CFAP97D2: variants seen among roughly 807,000 people sequenced by gnomAD.
CFAP97D2 encodes uncharacterized protein CFAP97D2.
intron 3 of CFAP97D2, among the ~76,000 whole-genome samples, chr13:114,210,070 A>G (rs565140524): frequency 1.4e-4 from 21 of 152,240 alleles, no homozygotes; most frequent in Admixed American, 3.9e-4. Context: ...CTTTTTGTAT[A>G]TTTTCTGCAT....
rs902256562 is a variant in CFAP97D2 at position 114,211,200 on chromosome 13, C to A, written c.291-712C>A. Among the ~76,000 whole-genome samples, 1 of 152,192 alleles carries A rather than the reference C, an allele frequency of 6.6e-6. No homozygotes were observed. Among genetic ancestry groups the A allele is most frequent in the African/African-American group, 2.4e-5 (1 of 41,458 alleles). On this transcript the variant is annotated intron_variant, in intron 3 of 4. Coordinates refer to ENST00000646158, the Ensembl canonical transcript of CFAP97D2. The surrounding 1 kb of genome is among the most constrained non-coding windows in gnomAD (Gnocchi z 4.2). The stretch of plus-strand genomic sequence containing the variant: ...CAGGGTCAAACCCCTACTCTAGGCG[C>A]TTCCGCAGCCCCCCATGGCTCCCTC...
At chr13:114,204,895 C>A (rs1037108011) in intron 3 of CFAP97D2, among the ~76,000 whole-genome samples, 4 of 152,156 alleles carry the variant, frequency 2.6e-5, no homozygotes, top group African/African-American at 9.7e-5. Context: ...AAAAAACCCA[C>A]AGAATGGGAG....
intron 1 of CFAP97D2, among the ~76,000 whole-genome samples, chr13:114,188,644 G>A (rs2080858869): frequency 6.6e-6 from 1 of 151,818 alleles, no homozygotes; most frequent in African/African-American, 2.4e-5. Flanking sequence ...GGGTGTGGTG[G>A]TGGGCGCCTG....
rs2080855039 is a variant in CFAP97D2 at position 114,187,011 on chromosome 13, A to G, written c.90+7591A>G. The stretch of plus-strand genomic sequence containing the variant: ...GAAAGGCAACACCCTCAAGATTCCC[A>G]TAACAACACCAATGATAAGGAACAG... On this transcript the variant is annotated intron_variant, in intron 1 of 4. Transcript: ENST00000646158. This position sits in a 1 kb window ranked among gnomAD's most constrained non-coding sequence, Gnocchi z 4.2. Among the ~76,000 whole-genome samples the G allele has an allele frequency of 6.6e-6, 1 of 152,264 alleles. No homozygotes were observed. Among genetic ancestry groups the G allele is most frequent in the South Asian group, 2.1e-4 (1 of 4,836 alleles).
At chr13:114,215,725 A>G (rs760537808) in intron 4 of CFAP97D2, 6 of 152,194 alleles carry the variant, frequency 3.9e-5, no homozygotes, top group South Asian at 2.1e-4. Context: ...GTGCTTTCCC[A>G]TGTCCTCACC....
At chr13:114,220,652 T>C (rs2081017397) in intron 4 of CFAP97D2, among the ~76,000 whole-genome samples, 1 of 152,210 alleles carries the variant, frequency 6.6e-6, no homozygotes, top group Non-Finnish European at 1.5e-5. Context: ...TATGCATTGC[T>C]CTAATTTAGT....
chr13:114,195,014 A>C (rs1594515777), intron 1 of CFAP97D2, among the ~76,000 whole-genome samples: 1 of 152,300 alleles, frequency 6.6e-6, no homozygotes, highest in East Asian at 1.9e-4. Context: ...AACTGAAAGC[A>C]GAGGGCATTC....
intron 1 of CFAP97D2, among the ~76,000 whole-genome samples, chr13:114,191,291 A>C (rs1376238201): frequency 6.6e-6 from 1 of 152,202 alleles, no homozygotes; most frequent in South Asian, 2.1e-4. Flanking sequence ...TAAAATTAAA[A>C]GCTTCTGCTC....
At chr13:114,215,037 C>T (rs1200075880) in intron 4 of CFAP97D2, among the ~76,000 whole-genome samples, 4 of 152,146 alleles carry the variant, frequency 2.6e-5, no homozygotes, top group Admixed American at 6.5e-5. Context: ...TATGCTGTAA[C>T]TTATATTCCT....
rs752884667 is a variant in CFAP97D2, at chr13:114,185,196, G to A, written c.90+5776G>A. On this transcript the variant is annotated intron_variant, in intron 1 of 4. Transcript: ENST00000646158. The surrounding 1 kb of genome is among the most constrained non-coding windows in gnomAD (Gnocchi z 5.2). The stretch of plus-strand genomic sequence containing the variant: ...CTGCAGACTCTGGCCCCGTGTCACC[G>A]CTCTTGCCTGCTGATGCAGGGAGGG... 3.3e-5 allele frequency among the ~76,000 whole-genome samples: 5 copies of A among 152,210 alleles called. No homozygotes were observed. Among genetic ancestry groups the A allele is most frequent in the East Asian group, 3.8e-4 (2 of 5,196 alleles).
At chr13:114,191,590 C>T (rs1250579460) in intron 1 of CFAP97D2, among the ~76,000 whole-genome samples, 1 of 152,220 alleles carries the variant, frequency 6.6e-6, no homozygotes, top group Non-Finnish European at 1.5e-5. Flanking sequence ...ACACTGACAA[C>T]ACCAAATACT....
intron 1 of CFAP97D2, among the ~76,000 whole-genome samples, chr13:114,194,049 C>T (rs1422895323): frequency 6.6e-6 from 1 of 152,154 alleles, no homozygotes; most frequent in Non-Finnish European, 1.5e-5. Flanking sequence ...TACTAAGAAC[C>T]AACTCACTAT....
At chr13:114,202,167 G>A (rs879434548) in intron 3 of CFAP97D2, among the ~76,000 whole-genome samples, 7 of 152,178 alleles carry the variant, frequency 4.6e-5, no homozygotes, top group African/African-American at 7.2e-5. Flanking sequence ...TCCATCGTAC[G>A]GATCTATCAC....
intron 3 of CFAP97D2, among the ~76,000 whole-genome samples, chr13:114,206,831 G>A (rs545911390): frequency 1.3e-5 from 2 of 152,288 alleles, no homozygotes; most frequent in Non-Finnish European, 2.9e-5. Context: ...CACTGCTTTT[G>A]GGGGCTTCTA....
chr13:114,201,742 CT>C (rs770761886), intron 3 of CFAP97D2, among the ~76,000 whole-genome samples: 10 of 152,196 alleles, frequency 6.6e-5, no homozygotes, highest in Non-Finnish European at 1.2e-4. Context: ...GTCTCAGCTG[CT>C]TCTGGAGCAC....
At chr13:114,212,167 G>A in intron 4 of CFAP97D2, 1 of 398,146 alleles carries the variant, frequency 2.5e-6, no homozygotes, top group Non-Finnish European at 4.4e-6. Context: ...TACTTCATCA[G>A]ATTCATCAGA....
rs866861975 is a variant in CFAP97D2 at position 114,207,431 on chromosome 13, C to G, written c.291-4481C>G. 6.6e-6 allele frequency among the ~76,000 whole-genome samples: 1 copy of G among 152,034 alleles called. No individual in the cohort carries two copies. Among genetic ancestry groups the G allele is most frequent in the South Asian group, 2.1e-4 (1 of 4,824 alleles). On this transcript the variant is annotated intron_variant, in intron 3 of 4. Transcript: ENST00000646158. This position sits in a 1 kb window ranked among gnomAD's most constrained non-coding sequence, Gnocchi z 4.9. The stretch of plus-strand genomic sequence containing the variant: ...TTTGTTTTCCTGCAACTAGATGGTC[C>G]CATCTAGGGATCGTGTGGAGACAGT...
rs2081006166 is a variant in CFAP97D2, at chr13:114,218,595, C to T, written c.481-3903C>T. 2.0e-5 allele frequency among the ~76,000 whole-genome samples: 3 copies of T among 152,160 alleles called. No individual in the cohort carries two copies. The South Asian group carries it at 6.2e-4, about 32-fold the overall frequency. On this transcript the variant is annotated intron_variant, in intron 4 of 4. Coordinates refer to ENST00000646158, the Ensembl canonical transcript of CFAP97D2. ...ACAATCCTAAGCCAAAAGAACAAAGCTGGAGGCATCATGTTACCTGACTTC... is the reference window on the plus strand; with the variant it reads ...ACAATCCTAAGCCAAAAGAACAAAGTTGGAGGCATCATGTTACCTGACTTC...
chr13:114,200,965 A>G (rs11147321), intron 3 of CFAP97D2, among the ~76,000 whole-genome samples: 12,002 of 152,286 alleles, frequency 0.079, 491 homozygotes, highest in Middle Eastern at 0.14. Context: ...CTTTCTGGAA[A>G]AAACACCGAA....
Sources: gnomAD v4.1 joint callset for allele counts (sites outside exome capture counted in the v4.1 genomes callset) on GRCh38, gnomAD v4.1.1 for gene constraint, Gnocchi (gnomAD v3.1) non-coding constraint, MANE v1.5 for transcripts, NCBI Gene and HGNC (gene_info 2026-07-23, HGNC 2026-07-21) for gene names.